The following ZNF616 variants were observed in gnomAD, a reference collection of about 807,000 sequenced individuals.
ZNF616 encodes the protein zinc finger protein 616.
Under a neutral mutation model 7.6 loss-of-function variants are expected in ZNF616, and 5 were observed. The observed-to-expected ratio is 0.66, with a 90% CI of 0.34 to 1.38. ZNF616 has a LOEUF of 1.38. ZNF616 is among the 40% of genes most tolerant of loss of function. The pLI is 0.04. For missense variants in ZNF616, 913 were observed against 948.3 expected (o/e 0.96, Z 0.49); for synonymous variants, 319 against 317.2 (o/e 1.01, Z -0.06).
chr19:52,129,377 C>CA (rs1031556551), intron 2 of ZNF616, among the ~76,000 whole-genome samples: 17 of 151,758 alleles, frequency 1.1e-4, no homozygotes, highest in South Asian at 6.3e-4. Flanking sequence ...GAAATTTTAC[C>CA]AAAAAAACAA....
chr19:52,131,780 T>G (rs555246219), intron 1 of ZNF616, among the ~76,000 whole-genome samples: 1 of 152,332 alleles, frequency 6.6e-6, no homozygotes, highest in Non-Finnish European at 1.5e-5. Context: ...AACATAGTAG[T>G]AAGTTTTGTT....
chr19:52,125,039 A>G (rs143650168), intron 2 of ZNF616, among the ~76,000 whole-genome samples: 297 of 152,302 alleles, frequency 2.0e-3, no homozygotes, highest in African/African-American at 6.9e-3. Context: ...CCCAAACCTC[A>G]TAATACTTGG....
In ZNF616 at chr19:52,116,486, T is replaced by C. The variant is rs779210735; in HGVS notation, c.678A>G (p.Ser226=). Residue 226 remains serine, a synonymous_variant, in exon 4 of 4, where the codon TCA becomes TCG. Transcript: ENST00000600228. ...NECGKAFHRA[S]LLTVHKVVHT... ...GGACTACCTTGTGTACAGTTAGTAG[T>C]GAGGCCCGATGAAAGGCTTTGCCAC... 3.7e-6 allele frequency: 6 copies of C among 1,614,036 alleles called. No individual in the cohort carries two copies. In the Admixed American group the frequency reaches 5.0e-5, roughly 13 times the overall value.
At chr19:52,119,483 G>A (rs2088850383) in intron 3 of ZNF616, among the ~76,000 whole-genome samples, 1 of 152,130 alleles carries the variant, frequency 6.6e-6, no homozygotes, top group East Asian at 1.9e-4. Flanking sequence ...GCAATAATGG[G>A]AGTGTAAAAC....
intron 2 of ZNF616, among the ~76,000 whole-genome samples, chr19:52,124,296 A>G (rs866460143): frequency 7.9e-5 from 12 of 152,356 alleles, no homozygotes; most frequent in Admixed American, 2.0e-4. Context: ...TAAGAAAAAC[A>G]CATGGTTATC....
rs2088791845 is a variant in ZNF616 at position 52,113,914 on chromosome 19, C to T, written c.*904G>A. On this transcript the variant is annotated 3_prime_UTR_variant, in exon 4 of 4. Transcript: ENST00000600228. ...TCTTTGAACATTTCATTTTTTAAAA[C>T]CATTTATTTGGAAGGTTGTCTCTAG... 1.3e-5 allele frequency: 2 copies of T among 152,056 alleles called. No individual in the cohort carries two copies. The highest frequency in any genetic ancestry group is 2.1e-4 in the South Asian group (1 of 4,826). 9.4% of individuals were successfully genotyped at this position (152,056 alleles called of 1,614,324 possible).
intron 1 of ZNF616, chr19:52,138,583 T>G (rs2089032923): frequency 6.6e-6 from 1 of 152,222 alleles, no homozygotes; most frequent in African/African-American, 2.4e-5. Context: ...CTCTTTTATG[T>G]CTATTCTGCC....
At chr19:52,132,971 A>G (rs562717926) in intron 1 of ZNF616, among the ~76,000 whole-genome samples, 4 of 152,352 alleles carry the variant, frequency 2.6e-5, no homozygotes, top group East Asian at 1.9e-4. Flanking sequence ...GCAGAGGAAA[A>G]TGGTCAGGGA....
intron 1 of ZNF616, among the ~76,000 whole-genome samples, chr19:52,136,627 A>T (rs569009946): frequency 2.6e-5 from 4 of 152,286 alleles, no homozygotes; most frequent in African/African-American, 9.6e-5. Flanking sequence ...GCCCTTGTAC[A>T]CTGCTGCTGG....
chr19:52,132,314 G>A (rs1427995988), intron 1 of ZNF616, among the ~76,000 whole-genome samples: 1 of 152,170 alleles, frequency 6.6e-6, no homozygotes, highest in African/African-American at 2.4e-5. Flanking sequence ...ACGTCTCTTA[G>A]ACGGCTGAAC....
In ZNF616 at chr19:52,114,679, T is replaced by C. The variant is rs76461032; in HGVS notation, c.*139A>G. ...TCTCAGTTTGAGAAATCCACTTCCA[T>C]GATTCAATCACCTCCCAATGGGCCC... On this transcript the variant is annotated 3_prime_UTR_variant, in exon 4 of 4. Transcript: ENST00000600228. 4,812 of 1,004,558 alleles carry C rather than the reference T, an allele frequency of 4.8e-3. 160 individuals carry two copies. In the African/African-American group the frequency reaches 0.069, roughly 14 times the overall value. The allele number at this position is 1,004,558 out of a possible 1,614,324, so 62.2% of individuals were successfully genotyped here. A position where few individuals can be genotyped will look rare whatever the true frequency, so the allele number is the denominator to read the frequency against.
chr19:52,117,548 C>CA (rs1347195164), intron 3 of ZNF616, among the ~76,000 whole-genome samples: 1 of 151,996 alleles, frequency 6.6e-6, no homozygotes, highest in Non-Finnish European at 1.5e-5. Flanking sequence ...AAGTAAAATA[C>CA]AATATACAAT....
At chr19:52,135,356 A>G (rs1373023311) in intron 1 of ZNF616, among the ~76,000 whole-genome samples, 1 of 152,174 alleles carries the variant, frequency 6.6e-6, no homozygotes, top group Non-Finnish European at 1.5e-5. Flanking sequence ...CACTGGCACC[A>G]CCATCTACTA....
chr19:52,115,351 A>G lies in ZNF616; in HGVS notation c.1813T>C (p.Tyr605His). 1 of 1,614,116 alleles carries G rather than the reference A, an allele frequency of 6.2e-7. No individual in the cohort carries two copies. ...GCTTTGCCACATTCATGACATTTGT[A>G]TGGTTTCTCTCCAGTATGAACTCTT... ...HRRVHTGEKP[Y>H]KCHECGKAFN... is the part of the protein sequence containing the mutation. Residue 605 changes from tyrosine to histidine, a missense_variant, in exon 4 of 4, where the codon TAC becomes CAC. Tyr to His is a moderately conservative substitution (Grantham distance 83). Coordinates refer to ENST00000600228, the MANE Select transcript of ZNF616 (RefSeq NM_178523.5).
chr19:52,126,688 G>A (rs989324998), intron 2 of ZNF616, among the ~76,000 whole-genome samples: 3 of 150,788 alleles, frequency 2.0e-5, no homozygotes, highest in African/African-American at 7.3e-5. Flanking sequence ...ACAATTGCCC[G>A]AACCCAGGAG....
chr19:52,126,063 C>CAG (rs1568560935), intron 2 of ZNF616, among the ~76,000 whole-genome samples: 1 of 152,130 alleles, frequency 6.6e-6, no homozygotes, highest in East Asian at 1.9e-4. Flanking sequence ...CTGAACAAAG[C>CAG]AGCCACCAAA....
intron 1 of ZNF616, among the ~76,000 whole-genome samples, chr19:52,131,008 C>T (rs1195968765): frequency 6.6e-6 from 1 of 152,196 alleles, no homozygotes; most frequent in Non-Finnish European, 1.5e-5. Flanking sequence ...GTGGCTCATG[C>T]CTGTAATCCC....
chr19:52,137,284 G>A (rs189286622), intron 1 of ZNF616, among the ~76,000 whole-genome samples: 8 of 151,782 alleles, frequency 5.3e-5, no homozygotes, highest in South Asian at 4.2e-4. Context: ...TTAGCCGGGC[G>A]TGGTGGCGGG....
rs61359785 is a variant in ZNF616, at chr19:52,131,264, C to CAAA, written c.-76-679_-76-677dup. Among the ~76,000 whole-genome samples, 195 of 39,740 alleles carry CAAA rather than the reference C, an allele frequency of 4.9e-3. 12 individuals are homozygous for CAAA. The highest frequency in any genetic ancestry group is 9.9e-3 in the African/African-American group (113 of 11,386). The allele number at this position is 39,740 out of a possible 152,430, so 26.1% of individuals were successfully genotyped here. ...GCCTGGGCGACAGAGACTCTGTCAC[C>CAAA]AAAAAAAAAAAAAAAAAAAAAAAAA... On this transcript the variant is annotated intron_variant, in intron 1 of 3. Transcript: ENST00000600228.
Sources: allele counts gnomAD v4.1 joint callset (sites outside exome capture counted in the v4.1 genomes callset), GRCh38; gene constraint gnomAD v4.1.1; transcripts MANE v1.5; gene names NCBI Gene and HGNC (gene_info 2026-07-23, HGNC 2026-07-21).